Variants in GRIP2 observed in about 807,000 individuals in gnomAD.
GRIP2 encodes the protein glutamate receptor interacting protein 2.
Under a neutral mutation model 108.3 loss-of-function variants are expected in GRIP2, and 58 were observed. The ratio of observed to expected loss-of-function variants is 0.54; its 90% CI spans 0.43 to 0.67. The LOEUF is 0.67. Among genes scored for constraint, GRIP2 ranks in the 30% least tolerant of loss-of-function variants. The probability of loss-of-function intolerance (pLI) is 0.00; values close to 1 mark genes in which losing one functional copy is unlikely to be tolerated. For synonymous variants in GRIP2, 586 were observed against 598.2 expected, an observed-to-expected ratio of 0.98 and a Z score of 0.30; for missense variants, 1,278 against 1,430.6, an observed-to-expected ratio of 0.89 and a Z score of 1.72.
chr3:14,577,292 T>G, the GRIP2 span, among the ~76,000 whole-genome samples: 5 of 152,224 alleles, frequency 3.3e-5, no homozygotes, highest in East Asian at 9.7e-4. Flanking sequence ...AGGAAACCAA[T>G]GAGAAATAGA....
rs1694527514 is a variant in GRIP2 at position 14,525,428 on chromosome 3, A to C, written c.257+9T>G. ...CCCCTCCTGCGGCCGTGCCAAGCCC[A>C]CTTCTCACCTGGCTGCAAGTCCCCC... On this transcript the variant is annotated intron_variant, in intron 3 of 23. Transcript: ENST00000621039. 6.2e-7 allele frequency: 1 copy of C among 1,607,918 alleles called. No homozygotes were observed. Among genetic ancestry groups the C allele is most frequent in the East Asian group, 2.2e-5 (1 of 44,556 alleles).
the GRIP2 span, among the ~76,000 whole-genome samples, chr3:14,599,030 C>T: frequency 6.6e-6 from 1 of 152,130 alleles, no homozygotes; most frequent in African/African-American, 2.4e-5. Flanking sequence ...CCTGTGTTGT[C>T]TTCATATCAC....
chr3:14,494,764 G>A (rs867399358), intron 23 of GRIP2, 79 bp downstream of exon 23: 33 of 1,486,218 alleles, frequency 2.2e-5, no homozygotes, highest in Non-Finnish European at 2.6e-5. Flanking sequence ...CTTCACAGGC[G>A]ATAGATGCAG....
chr3:14,553,831 G>A (rs1695191281), intron 1 of GRIP2, among the ~76,000 whole-genome samples: 2 of 152,172 alleles, frequency 1.3e-5, no homozygotes, highest in African/African-American at 4.8e-5. Flanking sequence ...TGAATGTGCA[G>A]GCTCACTTAA....
the GRIP2 span, among the ~76,000 whole-genome samples, chr3:14,567,937 G>A: frequency 6.6e-6 from 1 of 152,234 alleles, no homozygotes; most frequent in Middle Eastern, 3.2e-3. Flanking sequence ...GAAGGGAATA[G>A]GGGACCCAAC....
rs113464747 is a variant in GRIP2 at position 14,517,237 on chromosome 3, C to T, written c.1157-24G>A. The T allele has an allele frequency of 8.1e-4, 1,224 of 1,511,226 alleles. 12 individuals are homozygous for T. The African/African-American group carries it at 0.016, about 19-fold the overall frequency. 93.6% of individuals were successfully genotyped at this position (1,511,226 alleles called of 1,614,324 possible). A position where few individuals can be genotyped will look rare whatever the true frequency, so the allele number is the denominator to read the frequency against. On this transcript the variant is annotated intron_variant, in intron 10 of 23. Coordinates refer to ENST00000621039, the MANE Select transcript of GRIP2 (RefSeq NM_001080423.4). ...GGCTGGGGAGATGAGAGCACAGCCC[C>T]GTGAACCCCAGCCGAGGCTCTCCAC...
At chr3:14,520,900 A>T (rs1294277147) in intron 7 of GRIP2, 3 of 232,114 alleles carry the variant, frequency 1.3e-5, no homozygotes, top group Admixed American at 1.0e-4. Flanking sequence ...CCATTAACAC[A>T]CCCAGTGGCT....
intron 20 of GRIP2, 32 bp from the exon 21 acceptor site, chr3:14,503,703 CT>C: frequency 2.8e-6 from 1 of 358,688 alleles, no homozygotes; most frequent in Non-Finnish European, 5.5e-6. Context: ...GCGTCAACTC[CT>C]GGCAGGCGGG....
In GRIP2 at chr3:14,521,819, C is replaced by CAGCCAGCACTG; in HGVS notation, c.567-33_567-32insCAGTGCTGGCT. 2.6e-6 allele frequency: 4 copies of CAGCCAGCACTG among 1,542,406 alleles called. No individual in the cohort carries two copies. Among genetic ancestry groups the CAGCCAGCACTG allele is most frequent in the Non-Finnish European group, 3.5e-6 (4 of 1,144,468 alleles). On this transcript the variant is annotated intron_variant, in intron 6 of 23. Coordinates refer to ENST00000621039, the MANE Select transcript of GRIP2 (RefSeq NM_001080423.4). This position sits in a 1 kb window ranked among gnomAD's most constrained non-coding sequence, Gnocchi z 5.1. ...GGAAGGGCCAGTCACCAGCCTGGCCCGGCAGCAGCACTGGGCACAGCCTGT... is the reference window on the plus strand; with the variant it reads ...GGAAGGGCCAGTCACCAGCCTGGCCCAGCCAGCACTGGGCAGCAGCACTGGGCACAGCCTGT...
the GRIP2 span, among the ~76,000 whole-genome samples, chr3:14,586,731 C>G: frequency 3.0e-3 from 463 of 152,308 alleles, 2 homozygotes; most frequent in African/African-American, 0.011. Flanking sequence ...ATGGCAGCCC[C>G]AGGAAACGTA....
chr3:14,525,928 T>G lies in GRIP2; in HGVS notation c.44A>C (p.Asp15Ala). ...CTTGCCTCCTTTGGAGTAGGGCCCATCGTCTGCAGGAGAGAAAGAGGGAAA... is the reference window on the plus strand; with the variant it reads ...CTTGCCTCCTTTGGAGTAGGGCCCAGCGTCTGCAGGAGAGAAAGAGGGAAA... ...LSRETPGEAD[D>A]GPYSKGGKDA... The change falls in exon 2 of 24, where the codon GAT becomes GCT. Residue 15 changes from aspartate to alanine, a missense_variant. Physicochemically the swap from Asp to Ala is moderately radical, Grantham distance 126. Transcript: ENST00000621039. 3.9e-6 allele frequency: 6 copies of G among 1,556,800 alleles called. No homozygotes were observed. Among genetic ancestry groups the G allele is most frequent in the South Asian group, 1.2e-5 (1 of 84,292 alleles).
Position 14,521,748 on chromosome 3 carries a change from G to A in GRIP2, c.606C>T (p.Val202=), listed in dbSNP as rs367591019. ...SLKVGDRLLS[V]DGIPLHGASH... is the part of the protein sequence containing the mutation. ...TGGCCCCGTGCAGCGGGATTCCATC[G>A]ACACTGAGCAGCCTGTCGCCCACCT... The change falls in exon 7 of 24, where the codon GTC becomes GTT. Residue 202 remains valine (V), a synonymous_variant. Coordinates refer to ENST00000621039, the MANE Select transcript of GRIP2 (RefSeq NM_001080423.4). This position sits in a 1 kb window ranked among gnomAD's most constrained non-coding sequence, Gnocchi z 5.1. 8.7e-6 allele frequency: 14 copies of A among 1,609,196 alleles called. No individual in the cohort carries two copies. The highest frequency in any genetic ancestry group is 6.7e-5 in the Admixed American group (4 of 59,496).
chr3:14,542,035 C>T, upstream of GRIP2: 2 of 1,353,414 alleles, frequency 1.5e-6, no homozygotes, highest in South Asian at 2.4e-5. Context: ...CCACTCGCCT[C>T]CATTCCCTCC....
At chr3:14,559,325 G>A (rs909741859), upstream of GRIP2, among the ~76,000 whole-genome samples, 2 of 152,020 alleles carry the variant, frequency 1.3e-5, no homozygotes, top group African/African-American at 4.8e-5. Context: ...ACCTTGGGGA[G>A]TCAAGTGGAC....
chr3:14,507,421 T>G lies in GRIP2; in HGVS notation c.2218+140A>C. The G allele has an allele frequency of 9.6e-7, 1 of 1,041,550 alleles. No individual in the cohort carries two copies. Among genetic ancestry groups the G allele is most frequent in the Non-Finnish European group, 1.4e-6 (1 of 712,312 alleles). The allele number at this position is 1,041,550 out of a possible 1,614,324, so 64.5% of individuals were successfully genotyped here. A position where few individuals can be genotyped will look rare whatever the true frequency, so the allele number is the denominator to read the frequency against. On this transcript the variant is annotated intron_variant, in intron 18 of 23. Transcript: ENST00000621039. This position sits in a 1 kb window ranked among gnomAD's most constrained non-coding sequence, Gnocchi z 4.6. ...GGCTCATCACTTCCCTCTCTGAGTCTTATCTTCTTTGCCATCGCAGGCCCG... is the reference window on the plus strand; with the variant it reads ...GGCTCATCACTTCCCTCTCTGAGTCGTATCTTCTTTGCCATCGCAGGCCCG...
intron 11 of GRIP2, among the ~76,000 whole-genome samples, chr3:14,515,932 ATTTG>A (rs1045516751): frequency 5.3e-5 from 8 of 152,034 alleles, no homozygotes; most frequent in African/African-American, 1.7e-4. Context: ...TGCCTGGCCT[ATTTG>A]TTTCTTTTCA....
Position 14,523,002 on chromosome 3 carries a change from G to A in GRIP2, c.564C>T (p.Asp188=). 1 of 1,613,674 alleles carries A rather than the reference G, an allele frequency of 6.2e-7. No homozygotes were observed. The highest frequency in any genetic ancestry group is 8.5e-7 in the Non-Finnish European group (1 of 1,179,694). Residue 188 remains aspartate (D), a splice_region_variant and synonymous_variant, in exon 6 of 24, where the codon GAC becomes GAT. Transcript: ENST00000621039. The part of the protein sequence containing the change: ...LTYVRPGGPA[D]REGSLKVGDR... ...GGATTTCTTCTGCCTCGGCTCACCT[G>A]TCGGCAGGGCCACCGGGCCGCACGT...
intron 3 of GRIP2, 28 bp downstream of exon 3, chr3:14,525,409 C>T (rs1248390040): frequency 1.2e-6 from 2 of 1,607,828 alleles, no homozygotes; most frequent in African/African-American, 2.7e-5. Context: ...CACCCCCCTC[C>T]TGCGGCCGTG....
At chr3:14,577,633 T>A in the GRIP2 span, among the ~76,000 whole-genome samples, 1 of 152,154 alleles carries the variant, frequency 6.6e-6, no homozygotes, top group African/African-American at 2.4e-5. Flanking sequence ...CAAAATAAGA[T>A]AAAAGGTCAC....
Sources: allele counts gnomAD v4.1 joint callset (sites outside exome capture counted in the v4.1 genomes callset), GRCh38; gene constraint gnomAD v4.1.1; non-coding constraint Gnocchi (gnomAD v3.1); transcripts MANE v1.5; gene names NCBI Gene and HGNC (gene_info 2026-07-23, HGNC 2026-07-21).